MOV10L1: variants seen among roughly 807,000 people sequenced by gnomAD.
The protein encoded by MOV10L1 is Mov10 like RNA helicase 1, also known as RNA helicase Mov10l1.
Under a neutral mutation model 143.8 loss-of-function variants are expected in MOV10L1, and 110 were observed. The observed-to-expected ratio is 0.76, with a 90% CI of 0.66 to 0.90. The LOEUF (loss-of-function observed/expected upper bound fraction) is 0.90. Ranked by LOEUF, MOV10L1 falls within the 40% of genes least tolerant of loss-of-function variation. The pLI is 0.00. For synonymous variants in MOV10L1, 593 were observed against 581.1 expected, an observed-to-expected ratio of 1.02 and a Z score of -0.29; for missense variants, 1,406 against 1,526.8, an observed-to-expected ratio of 0.92 and a Z score of 1.32.
chr22:50,130,048 G>A (rs1289370508), intron 13 of MOV10L1, among the ~76,000 whole-genome samples: 1 of 152,140 alleles, frequency 6.6e-6, no homozygotes, highest in Non-Finnish European at 1.5e-5. Flanking sequence ...GGCCAAGGCA[G>A]GTGGATCTCT....
At chr22:50,118,992 A>G (rs887801984) in intron 9 of MOV10L1, among the ~76,000 whole-genome samples, 1 of 152,332 alleles carries the variant, frequency 6.6e-6, no homozygotes, top group South Asian at 2.1e-4. Context: ...AAGGAGCAGG[A>G]AAGTCCCTCG....
chr22:50,150,085 T>C (rs2063256276), intron 20 of MOV10L1, among the ~76,000 whole-genome samples: 1 of 152,166 alleles, frequency 6.6e-6, no homozygotes, highest in Non-Finnish European at 1.5e-5. Context: ...TCCAGCTCTG[T>C]GCATCCTCTG....
In MOV10L1 at chr22:50,144,132, C is replaced by T. The variant is rs2063068587; in HGVS notation, c.2394C>T (p.Val798=). Reference sequence around the variant, plus strand: ...CCTTGCCGGACAGTCGGATTTTAGTCTGTGCGCCCTCCAACAGTGCTGCTG... The same window carrying T: ...CCTTGCCGGACAGTCGGATTTTAGTTTGTGCGCCCTCCAACAGTGCTGCTG... ...HFALPDSRIL[V]CAPSNSAADL... is the part of the protein sequence containing the mutation. Residue 798 remains valine, a synonymous_variant, in exon 18 of 27, where the codon GTC becomes GTT. Transcript: ENST00000262794. 2 of 1,612,414 alleles carry T rather than the reference C, an allele frequency of 1.2e-6. No homozygotes were observed. Among genetic ancestry groups the T allele is most frequent in the African/African-American group, 1.3e-5 (1 of 74,916 alleles).
At chr22:50,116,182 C>T (rs935699283) in intron 8 of MOV10L1, among the ~76,000 whole-genome samples, 1 of 150,572 alleles carries the variant, frequency 6.6e-6, no homozygotes, top group African/African-American at 2.4e-5. Flanking sequence ...GAGGTGCAGC[C>T]AGCTTCAATG....
chr22:50,153,853 G>A (rs1207922590), intron 22 of MOV10L1, among the ~76,000 whole-genome samples: 1 of 152,254 alleles, frequency 6.6e-6, no homozygotes, highest in Non-Finnish European at 1.5e-5. Flanking sequence ...CAGAAGAAGG[G>A]GCATTCAAGG....
chr22:50,097,233 C>T (rs1237962673), intron 2 of MOV10L1, among the ~76,000 whole-genome samples: 1 of 152,130 alleles, frequency 6.6e-6, no homozygotes, highest in Non-Finnish European at 1.5e-5. Context: ...CCACCTTAGC[C>T]ACCTGAGCAG....
intron 15 of MOV10L1, among the ~76,000 whole-genome samples, chr22:50,136,678 A>G (rs1357527275): frequency 1.3e-5 from 2 of 152,158 alleles, no homozygotes; most frequent in Non-Finnish European, 2.9e-5. Context: ...GGGGAGGACA[A>G]GGGGGATAAA....
chr22:50,098,218 G>GTATTAAGATTAACATCTTAATAAT (rs2062640748), intron 2 of MOV10L1, among the ~76,000 whole-genome samples: 13 of 128,098 alleles, frequency 1.0e-4, no homozygotes, highest in South Asian at 4.6e-4. Flanking sequence ...TAATAATTAA[G>GTATTAAGATTAACATCTTAATAAT]TATTAAGATT....
At position 50,126,275 on chromosome 22, in the gene MOV10L1, G is replaced by A. The variant is rs746970210; in HGVS notation, c.1818+3G>A. On this transcript the variant is annotated splice_donor_region_variant and intron_variant, in intron 12 of 26. Coordinates refer to ENST00000262794, the MANE Select transcript of MOV10L1 (RefSeq NM_018995.3). ...AATACATCAGCTACGTGACTGAGGTGAGAGCACTCTCTCTTAATGAGTTTG... is the reference window on the plus strand; with the variant it reads ...AATACATCAGCTACGTGACTGAGGTAAGAGCACTCTCTCTTAATGAGTTTG... 4 of 1,607,596 alleles carry A rather than the reference G, an allele frequency of 2.5e-6. No homozygotes were observed. The Admixed American group carries it at 5.0e-5, about 20-fold the overall frequency.
rs1440184340 is a variant in MOV10L1 at position 50,117,180 on chromosome 22, T to C, written c.1283T>C (p.Leu428Pro). ...AGAAATCCTGGCCGCTGCAAGGAGC[T>C]CCTTTTGCTCTGTTTTTCCGATTTC... ...DGKNPGRCKE[L>P]LLLCFSDFLI... Residue 428 changes from leucine to proline, a missense_variant, in exon 9 of 27, where the codon CTC (leucine) becomes CCC (proline). Transcript: ENST00000262794. 11 of 1,608,008 alleles carry C rather than the reference T, an allele frequency of 6.8e-6. No homozygotes were observed. Among genetic ancestry groups the C allele is most frequent in the Non-Finnish European group, 9.3e-6 (11 of 1,177,486 alleles).
At chr22:50,094,180 G>C (rs1383051982) in intron 2 of MOV10L1, 1 of 152,124 alleles carries the variant, frequency 6.6e-6, no homozygotes, top group East Asian at 1.9e-4. Flanking sequence ...ATTTCATTTA[G>C]AATAATTGAT....
chr22:50,108,018 T>C (rs1300866645), intron 3 of MOV10L1, 118 bp from the exon 4 acceptor site: 2 of 827,996 alleles, frequency 2.4e-6, no homozygotes, highest in East Asian at 5.3e-5. Flanking sequence ...TAGTAGAAAG[T>C]GCCTTTTAAA....
At chr22:50,140,471 A>G (rs2062949577) in intron 15 of MOV10L1, among the ~76,000 whole-genome samples, 1 of 152,172 alleles carries the variant, frequency 6.6e-6, no homozygotes, top group Non-Finnish European at 1.5e-5. Context: ...TGGGTGTCCA[A>G]TCTTTTGGCT....
chr22:50,120,851 G>A (rs765510093), intron 10 of MOV10L1, among the ~76,000 whole-genome samples: 1 of 152,228 alleles, frequency 6.6e-6, no homozygotes, highest in African/African-American at 2.4e-5. Flanking sequence ...TGGGGGTCAC[G>A]CACAGGGCCT....
chr22:50,120,556 A>C lies in MOV10L1; in HGVS notation c.1509A>C (p.Arg503Ser). Residue 503 changes from arginine to serine, a missense_variant, in exon 10 of 27, where the codon AGA becomes AGC. Physicochemically the swap from Arg to Ser is moderately radical, Grantham distance 110. Transcript: ENST00000262794. ...TTCCCCAATATCCAATCCCAGATAG[A>C]CTTAGAAAATGTGTGGAACAAAAAA... is the stretch of plus-strand genomic sequence containing the variant. ...SFLPQYPIPD[R>S]LRKCVEQKID... 6.2e-7 allele frequency: 1 copy of C among 1,613,888 alleles called. No homozygotes were observed. The highest frequency in any genetic ancestry group is 8.5e-7 in the Non-Finnish European group (1 of 1,179,876).
rs1447482126 is a variant in MOV10L1 at position 50,099,520 on chromosome 22, G to T, written c.360G>T (p.Leu120Phe). Residue 120 changes from leucine (L) to phenylalanine (F), a missense_variant, in exon 3 of 27, where the codon TTG becomes TTT. Around this residue, in one of 3 missense-constraint regions of MOV10L1, gnomAD observed 166 missense variants for 153.9 expected, o/e 1.08. Coordinates refer to ENST00000262794, the MANE Select transcript of MOV10L1 (RefSeq NM_018995.3). ...CCTCAGACTGCGGCCCCCGAGTGTT[G>T]ATTGGCTGTGTGACTTCCCTGGTGG... ...GSPSDCGPRV[L>F]IGCVTSLVEG... The T allele has an allele frequency of 5.6e-6, 9 of 1,614,098 alleles. No homozygotes were observed. The African/African-American group carries it at 1.2e-4, about 22-fold the overall frequency.
chr22:50,116,482 G>A (rs1002131537), intron 8 of MOV10L1, among the ~76,000 whole-genome samples: 16 of 151,338 alleles, frequency 1.1e-4, no homozygotes, highest in Non-Finnish European at 1.9e-4. Flanking sequence ...GGCACAAAGT[G>A]TAGTGTGGAT....
chr22:50,154,851 C>T (rs1336570672), intron 22 of MOV10L1, among the ~76,000 whole-genome samples: 1 of 152,174 alleles, frequency 6.6e-6, no homozygotes, highest in Non-Finnish European at 1.5e-5. Context: ...AATTCCACCT[C>T]GTAATATTAA....
chr22:50,126,293 T>A, intron 12 of MOV10L1, 21 bp downstream of exon 12: 1 of 1,585,218 alleles, frequency 6.3e-7, no homozygotes, highest in Non-Finnish European at 8.7e-7. Context: ...TCTCTCTTAA[T>A]GAGTTTGTGT....
Sources: gnomAD v4.1 joint callset for allele counts (sites outside exome capture counted in the v4.1 genomes callset) on GRCh38, gnomAD v4.1.1 for gene constraint, gnomAD v4.1.1 regional missense constraint, MANE v1.5 for transcripts, NCBI Gene and HGNC (gene_info 2026-07-23, HGNC 2026-07-21) for gene names.